The following HEXB variants were observed in gnomAD, a reference collection of about 807,000 sequenced individuals.
HEXB encodes the protein beta-hexosaminidase subunit beta.
A neutral mutation model predicts 71.2 loss-of-function variants in HEXB; 51 were observed. The ratio of observed to expected loss-of-function variants is 0.72; its 90% CI spans 0.57 to 0.90. The LOEUF (loss-of-function observed/expected upper bound fraction) is 0.90. Among genes scored for constraint, HEXB ranks in the 40% least tolerant of loss-of-function variants. The pLI is 0.00. For missense variants in HEXB, 617 were observed against 677.0 expected (o/e 0.91, Z 0.98); for synonymous variants, 266 against 249.3 (o/e 1.07, Z -0.63).
chr5:74,646,042 G>A (rs2112067284), intron 1 of HEXB, among the ~76,000 whole-genome samples: 1 of 151,618 alleles, frequency 6.6e-6, no homozygotes, highest in South Asian at 2.1e-4. Flanking sequence ...CTGGGTGTTT[G>A]AGGGGCAAGT....
rs923484448 is a variant in HEXB, at chr5:74,707,490, C to T, written c.771+2170C>T. Among the ~76,000 whole-genome samples the T allele has an allele frequency of 2.6e-5, 4 of 151,900 alleles. No homozygotes were observed. In the South Asian group the frequency reaches 6.2e-4, roughly 24 times the overall value. ...AAGAAGGCTTCAGAAGATCAAACTA[C>T]GAGCTACAGGAGGAAATTCAAACCA... On this transcript the variant is annotated intron_variant, in intron 6 of 13. Coordinates refer to ENST00000261416, the MANE Select transcript of HEXB (RefSeq NM_000521.4).
At chr5:74,660,848 A>C (rs1461350254) in intron 1 of HEXB, among the ~76,000 whole-genome samples, 1 of 152,254 alleles carries the variant, frequency 6.6e-6, no homozygotes, top group Admixed American at 6.5e-5. Flanking sequence ...TTCGAGAAGA[A>C]CCAAGCTAAG....
At chr5:74,702,289 G>A (rs1000120743) in intron 5 of HEXB, among the ~76,000 whole-genome samples, 9 of 150,810 alleles carry the variant, frequency 6.0e-5, no homozygotes, top group Admixed American at 2.0e-4. Context: ...CGTTTTAGCC[G>A]GGATGGTCTC....
Position 74,697,098 on chromosome 5 carries a change from A to G in HEXB, c.661A>G (p.Lys221Glu). The change falls in exon 5 of 14, where the codon AAA becomes GAA. Residue 221 changes from lysine (K) to glutamate (E), a missense_variant. Coordinates refer to ENST00000261416, the MANE Select transcript of HEXB (RefSeq NM_000521.4). Reference protein sequence around the residue: ...RHYLPVKIILKTLDAMAFNKF... With the variant: ...RHYLPVKIILETLDAMAFNKF... Reference sequence around the variant, plus strand: ...TTATCTGCCAGTTAAGATTATTCTTAAAACTCTGGTAAGTAATTACTTCAT... The same window carrying G: ...TTATCTGCCAGTTAAGATTATTCTTGAAACTCTGGTAAGTAATTACTTCAT... 1 of 1,399,846 alleles carries G rather than the reference A, an allele frequency of 7.1e-7. No homozygotes were observed. The highest frequency in any genetic ancestry group is 1.8e-4 in the Middle Eastern group (1 of 5,692). 86.7% of individuals were successfully genotyped at this position (1,399,846 alleles called of 1,614,324 possible).
At chr5:74,655,805 T>C (rs552728731) in intron 1 of HEXB, among the ~76,000 whole-genome samples, 1 of 152,316 alleles carries the variant, frequency 6.6e-6, no homozygotes, top group East Asian at 1.9e-4. Context: ...AATAGAATTT[T>C]AGAAAAAATT....
intron 1 of HEXB, among the ~76,000 whole-genome samples, chr5:74,671,106 G>A (rs1748529264): frequency 6.6e-6 from 1 of 151,942 alleles, no homozygotes; most frequent in African/African-American, 2.4e-5. Context: ...GGATAGGGTG[G>A]TACACAGAAA....
intron 11 of HEXB, among the ~76,000 whole-genome samples, chr5:74,719,410 G>C (rs1579955204): frequency 6.6e-6 from 1 of 152,170 alleles, no homozygotes; most frequent in South Asian, 2.1e-4. Flanking sequence ...CTGAGGAGTA[G>C]AATCCTTGGT....
chr5:74,689,292 CCTT>C, intron 1 of HEXB, 33 bp from the exon 2 acceptor site: 1 of 1,582,008 alleles, frequency 6.3e-7, no homozygotes, highest in Non-Finnish European at 8.7e-7. Context: ...TGGCTAAAAT[CCTT>C]CTAAAATGTG....
chr5:74,679,725 G>A (rs1580373999), intron 1 of HEXB, among the ~76,000 whole-genome samples: 1 of 148,932 alleles, frequency 6.7e-6, no homozygotes. Context: ...ACTTGAACCC[G>A]GGAGGCAGAG....
intron 1 of HEXB, among the ~76,000 whole-genome samples, chr5:74,671,227 T>C (rs1252470196): frequency 6.6e-6 from 1 of 152,180 alleles, no homozygotes; most frequent in Non-Finnish European, 1.5e-5. Context: ...ATTAATCTTA[T>C]GTATTCATCA....
chr5:74,662,152 C>G (rs781080587), intron 1 of HEXB, among the ~76,000 whole-genome samples: 3 of 151,456 alleles, frequency 2.0e-5, no homozygotes, highest in Admixed American at 6.6e-5. Context: ...AGAAAACCAC[C>G]ATGATTTTAA....
intron 1 of HEXB, among the ~76,000 whole-genome samples, chr5:74,653,011 T>C (rs1447416204): frequency 6.6e-6 from 1 of 152,238 alleles, no homozygotes; most frequent in East Asian, 1.9e-4. Context: ...TTAACATTTC[T>C]TAACTGTAAT....
At chr5:74,645,157 T>A (rs940072264) in intron 1 of HEXB, among the ~76,000 whole-genome samples, 1 of 100,612 alleles carries the variant, frequency 9.9e-6, no homozygotes, top group Non-Finnish European at 2.2e-5. Context: ...ATTATGTGTG[T>A]CACCTTATGT....
intron 3 of HEXB, among the ~76,000 whole-genome samples, chr5:74,695,634 A>G (rs1173734774): frequency 6.6e-6 from 1 of 151,218 alleles, no homozygotes; most frequent in Non-Finnish European, 1.5e-5. Context: ...TGAGGTCAGG[A>G]GTTGGAGACC....
intron 2 of HEXB, 38 bp downstream of exon 2, chr5:74,689,511 G>A (rs1283127177): frequency 6.3e-7 from 1 of 1,591,258 alleles, no homozygotes. Flanking sequence ...TATATCCCAG[G>A]TGCTCGCTGA....
At chr5:74,686,799 T>A (rs79211251) in intron 1 of HEXB, among the ~76,000 whole-genome samples, 3,470 of 152,290 alleles carry the variant, frequency 0.023, 138 homozygotes, top group African/African-American at 0.079. Flanking sequence ...AAAGATTGCA[T>A]GGAAAGTACA....
chr5:74,649,807 C>A (rs547449816), intron 1 of HEXB, among the ~76,000 whole-genome samples: 114 of 152,264 alleles, frequency 7.5e-4, no homozygotes, highest in Non-Finnish European at 1.3e-3. Context: ...ACACAGTACC[C>A]ATAAGAGATT....
intron 1 of HEXB, among the ~76,000 whole-genome samples, chr5:74,687,256 A>G (rs1321974570): frequency 3.3e-5 from 5 of 152,208 alleles, no homozygotes; most frequent in African/African-American, 9.7e-5. Flanking sequence ...GTAAAAGCAC[A>G]GTGGAGTTGG....
intron 6 of HEXB, among the ~76,000 whole-genome samples, chr5:74,712,365 G>C (rs2112169485): frequency 6.6e-6 from 1 of 150,952 alleles, no homozygotes; most frequent in Non-Finnish European, 1.5e-5. Flanking sequence ...CACCAGCATG[G>C]CACATGTATA....
Sources: allele counts gnomAD v4.1 joint callset (sites outside exome capture counted in the v4.1 genomes callset), GRCh38; gene constraint gnomAD v4.1.1; transcripts MANE v1.5; gene names NCBI Gene and HGNC (gene_info 2026-07-23, HGNC 2026-07-21).